The following CFAP43 variants were observed in gnomAD, a reference collection of about 807,000 sequenced individuals.
CFAP43 encodes cilia and flagella associated protein 43.
CFAP43 carries 155 observed loss-of-function variants against 218.9 expected under a neutral mutation model. That is an observed-to-expected ratio of 0.71 (90% confidence interval 0.62 to 0.81). The LOEUF (loss-of-function observed/expected upper bound fraction) is 0.81. Ranked by LOEUF, CFAP43 falls within the 30% of genes least tolerant of loss-of-function variation. The pLI, the probability that CFAP43 is intolerant of heterozygous loss-of-function variation, is 0.00. For synonymous variants in CFAP43, 645 were observed against 681.3 expected (o/e 0.95, Z 0.83); for missense variants, 1,778 against 1,954.3 (o/e 0.91, Z 1.70).
chr10:104,219,103 C>A (rs1372349856), intron 3 of CFAP43, among the ~76,000 whole-genome samples: 1 of 151,838 alleles, frequency 6.6e-6, no homozygotes, highest in East Asian at 1.9e-4. Flanking sequence ...TCCCCCAGCT[C>A]ATCTTCCCCC....
intron 19 of CFAP43, among the ~76,000 whole-genome samples, chr10:104,173,951 G>C (rs1444404006): frequency 2.6e-5 from 4 of 151,870 alleles, no homozygotes; most frequent in Non-Finnish European, 4.4e-5. Context: ...GAGTGAGAAG[G>C]GTATAATTTT....
intron 29 of CFAP43, among the ~76,000 whole-genome samples, chr10:104,147,480 C>T (rs755309407): frequency 4.6e-5 from 7 of 151,834 alleles, no homozygotes; most frequent in Non-Finnish European, 5.9e-5. Context: ...ATACGCAAGC[C>T]CATTGCTTAC....
At chr10:104,203,941 G>T in intron 7 of CFAP43, 138 bp from the exon 8 acceptor site, 1 of 685,804 alleles carries the variant, frequency 1.5e-6, no homozygotes, top group Non-Finnish European at 2.1e-6. Flanking sequence ...TAGATGCACT[G>T]TCCTCTCATC....
At chr10:104,214,746 G>GTT (rs1482343038) in intron 3 of CFAP43, among the ~76,000 whole-genome samples, 3 of 152,206 alleles carry the variant, frequency 2.0e-5, no homozygotes, top group Non-Finnish European at 4.4e-5. Context: ...CAAAACAAGT[G>GTT]TAAGTGCCTG....
chr10:104,150,462 C>T (rs1055294912), intron 28 of CFAP43, among the ~76,000 whole-genome samples: 1 of 152,154 alleles, frequency 6.6e-6, no homozygotes, highest in Non-Finnish European at 1.5e-5. Flanking sequence ...AATTACAACA[C>T]ATTTGCCACT....
intron 30 of CFAP43, among the ~76,000 whole-genome samples, chr10:104,145,771 A>G (rs2087935876): frequency 6.6e-6 from 1 of 152,236 alleles, no homozygotes; most frequent in Non-Finnish European, 1.5e-5. Context: ...TGTATTAAAA[A>G]TATTATTTCA....
At position 104,172,460 on chromosome 10, in the gene CFAP43, G is replaced by T; in HGVS notation, c.2536C>A (p.Leu846Ile). The part of the protein sequence containing the change: ...KLDQQEFGLD[L>I]EELERLHDES... ...TCATGAAGCCTTTCTAGTTCCTCAAGATCCAGACCAAATTCCTGTTGGTCT... is the reference window on the plus strand; with the variant it reads ...TCATGAAGCCTTTCTAGTTCCTCAATATCCAGACCAAATTCCTGTTGGTCT... Residue 846 changes from leucine (L) to isoleucine (I), a missense_variant, in exon 20 of 38, where the codon CTT becomes ATT. Transcript: ENST00000357060. 1 of 1,607,886 alleles carries T rather than the reference G, an allele frequency of 6.2e-7. No homozygotes were observed. Among genetic ancestry groups the T allele is most frequent in the Non-Finnish European group, 8.5e-7 (1 of 1,178,358 alleles).
rs2091427998 is a variant in CFAP43, at chr10:104,230,751, A to G, written c.158T>C (p.Ile53Thr). 1.9e-6 allele frequency: 3 copies of G among 1,613,882 alleles called. No individual in the cohort carries two copies. The highest frequency in any genetic ancestry group is 2.7e-5 in the African/African-American group (2 of 74,912). The change falls in exon 2 of 38, where the codon ATT (isoleucine) becomes ACT (threonine). Residue 53 changes from isoleucine (I) to threonine (T), a missense_variant. Around this residue, in one of 3 missense-constraint regions of CFAP43, gnomAD observed 1,553 missense variants for 1,685.2 expected, o/e 0.92. Transcript: ENST00000357060. ...PCGNYVIFIN[I>T]ETKKKTVLQC... ...CAGTACAGTCTTTTTCTTGGTTTCA[A>G]TATTAATAAATATTACATAATTCCC...
intron 34 of CFAP43, among the ~76,000 whole-genome samples, chr10:104,137,543 C>T (rs1235325519): frequency 1.3e-5 from 2 of 152,152 alleles, no homozygotes; most frequent in Non-Finnish European, 2.9e-5. Context: ...TGGGGTGCCT[C>T]ACTCCTGTAA....
rs2091471313 is a variant in CFAP43 at position 104,232,257 on chromosome 10, T to C, written c.-11A>G. Reference sequence around the variant, plus strand: ...CCGGCCTTGCGCCATGGGCAGTGTTTTCCTCAGGCGGGAGCAGGCAGCGCA... The same window carrying C: ...CCGGCCTTGCGCCATGGGCAGTGTTCTCCTCAGGCGGGAGCAGGCAGCGCA... On this transcript the variant is annotated 5_prime_UTR_variant, in exon 1 of 38. Coordinates refer to ENST00000357060, the MANE Select transcript of CFAP43 (RefSeq NM_025145.7). 6.3e-7 allele frequency: 1 copy of C among 1,599,398 alleles called. No homozygotes were observed. Among genetic ancestry groups the C allele is most frequent in the Non-Finnish European group, 8.5e-7 (1 of 1,174,792 alleles).
chr10:104,231,676 A>G (rs995638381), intron 1 of CFAP43, among the ~76,000 whole-genome samples: 1 of 152,174 alleles, frequency 6.6e-6, no homozygotes, highest in African/African-American at 2.4e-5. Context: ...TGCCACCTAT[A>G]TCTGCGCAGT....
chr10:104,148,011 T>A lies in CFAP43; in HGVS notation c.3661-13A>T. On this transcript the variant is annotated splice_polypyrimidine_tract_variant and intron_variant, in intron 28 of 37. Coordinates refer to ENST00000357060, the MANE Select transcript of CFAP43 (RefSeq NM_025145.7). The stretch of plus-strand genomic sequence containing the variant: ...TTTTCAGTTCCTCCTGTAGAAATAT[T>A]TAAGAAAAAGGTTGGTGGAATTACT... 1.3e-6 allele frequency: 2 copies of A among 1,535,192 alleles called. No individual in the cohort carries two copies. Among genetic ancestry groups the A allele is most frequent in the Admixed American group, 4.0e-5 (2 of 50,458 alleles).
chr10:104,160,689 T>A (rs1399081196), intron 27 of CFAP43, among the ~76,000 whole-genome samples: 3 of 152,206 alleles, frequency 2.0e-5, no homozygotes, highest in Non-Finnish European at 4.4e-5. Context: ...TGAATTCAAA[T>A]AAATGTACAC....
At chr10:104,183,546 C>T (rs1028857457) in intron 16 of CFAP43, among the ~76,000 whole-genome samples, 4 of 151,984 alleles carry the variant, frequency 2.6e-5, no homozygotes, top group Non-Finnish European at 5.9e-5. Flanking sequence ...CCCGCCACCG[C>T]GCCCGGCTAA....
intron 25 of CFAP43, 88 bp downstream of exon 25, chr10:104,162,229 T>C: frequency 1.5e-6 from 2 of 1,349,510 alleles, no homozygotes; most frequent in South Asian, 2.3e-5. Context: ...CCACGACAAA[T>C]GTGTTGATGG....
intron 17 of CFAP43, 134 bp from the exon 18 acceptor site, chr10:104,180,066 T>TTGGGCAGACAAAATG: frequency 1.4e-6 from 1 of 691,242 alleles, no homozygotes; most frequent in Non-Finnish European, 2.5e-6. Flanking sequence ...TCTCCAACAT[T>TTGGGCAGACAAAATG]TTGTCTGCCC....
intron 2 of CFAP43, among the ~76,000 whole-genome samples, chr10:104,229,802 C>T (rs2091401908): frequency 6.6e-6 from 1 of 152,102 alleles, no homozygotes; most frequent in African/African-American, 2.4e-5. Context: ...CATCTTTATC[C>T]CTATTTCATG....
intron 35 of CFAP43, 136 bp downstream of exon 35, chr10:104,133,484 T>A (rs774050936): frequency 2.2e-5 from 20 of 924,630 alleles, no homozygotes; most frequent in Non-Finnish European, 2.9e-5. Context: ...GAAAAATAAC[T>A]CACAGATATA....
chr10:104,214,804 T>A (rs2090968413), intron 3 of CFAP43, among the ~76,000 whole-genome samples: 1 of 152,230 alleles, frequency 6.6e-6, no homozygotes, highest in African/African-American at 2.4e-5. Context: ...CTGGGGGTAC[T>A]GTTCTCATCG....
Sources: allele counts gnomAD v4.1 joint callset (sites outside exome capture counted in the v4.1 genomes callset), GRCh38; gene constraint gnomAD v4.1.1; regional missense constraint gnomAD v4.1.1; transcripts MANE v1.5; gene names NCBI Gene and HGNC (gene_info 2026-07-23, HGNC 2026-07-21).